The following DNMT3A variants were observed in gnomAD, a reference collection of about 807,000 sequenced individuals.
DNMT3A encodes the protein DNA (cytosine-5)-methyltransferase 3A.
A neutral mutation model predicts 117.6 loss-of-function variants in DNMT3A; 267 were observed. The observed-to-expected ratio is 2.27, with a 90% CI of 2.05 to 2.51. The LOEUF (loss-of-function observed/expected upper bound fraction) is 2.51, where lower values mean the gene tolerates loss of function less well. Ranked by LOEUF, DNMT3A falls within the 30% of genes most tolerant of loss-of-function variation. The pLI is 0.00. For missense variants in DNMT3A, 1,029 were observed against 1,260.2 expected, an observed-to-expected ratio of 0.82 and a Z score of 2.78; for synonymous variants, 432 against 474.8, an observed-to-expected ratio of 0.91 and a Z score of 1.17.
intron 1 of DNMT3A, among the ~76,000 whole-genome samples, chr2:25,315,064 T>C (rs1215662165): frequency 6.6e-6 from 1 of 152,140 alleles, no homozygotes; most frequent in Middle Eastern, 3.2e-3. Context: ...GCCTTGAGTG[T>C]GCCAGGGCCC....
chr2:25,341,111 CGCGGCGCG>C (rs1383554905), intron 1 of DNMT3A, among the ~76,000 whole-genome samples: 3 of 145,514 alleles, frequency 2.1e-5, no homozygotes, highest in Non-Finnish European at 4.6e-5. Flanking sequence ...GGAGGAGGAT[CGCGGCGCG>C]GCGCTCCCCG....
rs1405221182 is a variant in DNMT3A, at chr2:25,325,842, C to G, written c.-177-11681G>C. On this transcript the variant is annotated intron_variant, in intron 1 of 22. Coordinates refer to ENST00000321117, the MANE Select transcript of DNMT3A (RefSeq NM_022552.5). ...CAGGCACCTCTTAAGAACGTCCATG[C>G]CCAAAGGAAGGCTGAATGGAAAGTT... Among the ~76,000 whole-genome samples the G allele has an allele frequency of 3.3e-5, 5 of 152,274 alleles. No individual in the cohort carries two copies. In the East Asian group the frequency reaches 9.6e-4, roughly 29 times the overall value.
chr2:25,300,677 A>AAATAATATAT lies in DNMT3A; in HGVS notation c.73-435_73-434insATATATTATT, dbSNP rs1558722319. ...TCTAAATAATATATTATTTAGATAT[A>AAATAATATAT]TATTTAGATATATATTTATATATCT... On this transcript the variant is annotated intron_variant, in intron 2 of 22. Transcript: ENST00000321117. Among the ~76,000 whole-genome samples, 110 of 60,824 alleles carry AAATAATATAT rather than the reference A, an allele frequency of 1.8e-3. 2 individuals are homozygous for AAATAATATAT. Among genetic ancestry groups the AAATAATATAT allele is most frequent in the African/African-American group, 7.3e-3 (103 of 14,016 alleles). 39.9% of individuals were successfully genotyped at this position (60,824 alleles called of 152,430 possible).
chr2:25,243,746 C>T (rs781515328), intron 16 of DNMT3A, 152 bp downstream of exon 16: 129 of 900,372 alleles, frequency 1.4e-4, no homozygotes, highest in Non-Finnish European at 1.9e-4. Flanking sequence ...GGACTGCATA[C>T]GTTTCCACTT....
intron 6 of DNMT3A, among the ~76,000 whole-genome samples, chr2:25,269,239 A>G (rs1485446833): frequency 1.3e-5 from 2 of 152,222 alleles, no homozygotes; most frequent in African/African-American, 4.8e-5. Flanking sequence ...AGGCACGAGA[A>G]TCACTTGAAC....
intron 1 of DNMT3A, among the ~76,000 whole-genome samples, chr2:25,315,932 T>C (rs2149431915): frequency 6.6e-6 from 1 of 152,290 alleles, no homozygotes; most frequent in South Asian, 2.1e-4. Flanking sequence ...AGAGTCTGAT[T>C]GGAAAGAACG....
chr2:25,336,754 A>T (rs2035231466), intron 1 of DNMT3A, among the ~76,000 whole-genome samples: 1 of 152,140 alleles, frequency 6.6e-6, no homozygotes, highest in Non-Finnish European at 1.5e-5. Context: ...GCAGGGCCTC[A>T]GCCTGGCCTC....
chr2:25,292,725 G>A (rs933779870), intron 3 of DNMT3A, among the ~76,000 whole-genome samples: 6 of 152,174 alleles, frequency 3.9e-5, no homozygotes, highest in East Asian at 1.9e-4. Flanking sequence ...GCCCTTCTCT[G>A]GAGCTTTTCC....
intron 6 of DNMT3A, among the ~76,000 whole-genome samples, chr2:25,259,799 C>A (rs926939116): frequency 1.3e-5 from 2 of 152,150 alleles, no homozygotes; most frequent in Admixed American, 1.3e-4. Context: ...GCATGCAGAC[C>A]CTCTCAAGTT....
At chr2:25,242,526 A>C (rs966520837) in intron 16 of DNMT3A, among the ~76,000 whole-genome samples, 6 of 152,202 alleles carry the variant, frequency 3.9e-5, no homozygotes, top group Non-Finnish European at 7.3e-5. Flanking sequence ...TCTGGGATAC[A>C]AAAAGCTGTA....
intron 6 of DNMT3A, among the ~76,000 whole-genome samples, chr2:25,256,017 AT>A (rs1214339831): frequency 5.9e-5 from 9 of 152,116 alleles, no homozygotes; most frequent in Admixed American, 5.9e-4. Context: ...CCACCAGGAC[AT>A]TTACCATGCG....
intron 1 of DNMT3A, among the ~76,000 whole-genome samples, chr2:25,318,028 C>T (rs1315873360): frequency 6.6e-6 from 1 of 152,148 alleles, no homozygotes; most frequent in African/African-American, 2.4e-5. Flanking sequence ...AGCCACCGCG[C>T]CGGCCGGGAA....
Position 25,244,635 on chromosome 2 carries a change from AC to A in DNMT3A, c.1571del (p.Cys524LeufsTer127). On this transcript the variant is annotated frameshift_variant, in exon 14 of 23. Coordinates refer to ENST00000321117, the MANE Select transcript of DNMT3A (RefSeq NM_022552.5). LOFTEE classifies it high-confidence loss of function. ...CQNCKNCFLE[C>X]AYQYDDDGYQ... ...AGCCGTCGTCGTCGTACTGGTACGCACACTCCAGAAAGCAGTTCTAGACAGC... is the reference window on the plus strand; with the variant it reads ...AGCCGTCGTCGTCGTACTGGTACGCAACTCCAGAAAGCAGTTCTAGACAGC... The A allele has an allele frequency of 6.2e-7, 1 of 1,614,110 alleles. No individual in the cohort carries two copies. The highest frequency in any genetic ancestry group is 1.3e-5 in the African/African-American group (1 of 75,036).
intron 6 of DNMT3A, 123 bp downstream of exon 6, chr2:25,274,818 A>C: frequency 7.4e-7 from 1 of 1,359,580 alleles, no homozygotes; most frequent in Non-Finnish European, 9.9e-7. Flanking sequence ...AGTCATCATG[A>C]CTAGAGATTA....
In DNMT3A at chr2:25,282,121, G is replaced by C. The variant is rs747957473; in HGVS notation, c.448+320C>G. 3.5e-6 allele frequency: 4 copies of C among 1,154,342 alleles called. No homozygotes were observed. The highest frequency in any genetic ancestry group is 4.5e-6 in the Non-Finnish European group (4 of 898,584). The allele number at this position is 1,154,342 out of a possible 1,614,324, so 71.5% of individuals were successfully genotyped here. A position where few individuals can be genotyped will look rare whatever the true frequency, so the allele number is the denominator to read the frequency against. On this transcript the variant is annotated intron_variant, in intron 4 of 22. Transcript: ENST00000321117. This position sits in a 1 kb window ranked among gnomAD's most constrained non-coding sequence, Gnocchi z 5.2. ...CCATTATCCCAGTCTAGCAATCGTT[G>C]GCGTTATGAAAGCCCGCTGTTGCCA... is the stretch of plus-strand genomic sequence containing the variant.
At chr2:25,275,956 G>C (rs376796656) in intron 4 of DNMT3A, among the ~76,000 whole-genome samples, 22 of 152,310 alleles carry the variant, frequency 1.4e-4, no homozygotes, top group East Asian at 9.6e-4. Context: ...AGGGGGTGCA[G>C]GAAGGCCTGG....
rs1240986082 is a variant in DNMT3A at position 25,254,782 on chromosome 2, C to T, written c.640-6530G>A. Among the ~76,000 whole-genome samples the T allele has an allele frequency of 1.3e-5, 2 of 152,132 alleles. No homozygotes were observed. The highest frequency in any genetic ancestry group is 6.6e-5 in the Admixed American group (1 of 15,264). On this transcript the variant is annotated intron_variant, in intron 6 of 22. Transcript: ENST00000321117. This position sits in a 1 kb window ranked among gnomAD's most constrained non-coding sequence, Gnocchi z 4.7. ...CCTTTTGCAGACACTGTCTCATGTACGATACCCGCTCTTCCATTATAATGC... is the reference window on the plus strand; with the variant it reads ...CCTTTTGCAGACACTGTCTCATGTATGATACCCGCTCTTCCATTATAATGC...
intron 1 of DNMT3A, among the ~76,000 whole-genome samples, chr2:25,341,202 G>A (rs1193000752): frequency 7.6e-5 from 11 of 145,178 alleles, no homozygotes; most frequent in African/African-American, 2.7e-4. Context: ...GGGCCGAGGA[G>A]GGCCGGGCGC....
chr2:25,253,878 CCTGA>C (rs1210563677), intron 6 of DNMT3A, among the ~76,000 whole-genome samples: 4 of 152,098 alleles, frequency 2.6e-5, no homozygotes, highest in African/African-American at 9.7e-5. Context: ...TTGAGACCGG[CCTGA>C]CTAACATGGT....
Sources: allele counts gnomAD v4.1 joint callset (sites outside exome capture counted in the v4.1 genomes callset), GRCh38; gene constraint gnomAD v4.1.1; non-coding constraint Gnocchi (gnomAD v3.1); transcripts MANE v1.5; gene names NCBI Gene and HGNC (gene_info 2026-07-23, HGNC 2026-07-21).